KSR2: variants seen among roughly 807,000 people sequenced by gnomAD.
The protein encoded by KSR2 is kinase suppressor of ras 2.
In KSR2, 25 loss-of-function variants were observed where a neutral mutation model predicts 107.8. The ratio of observed to expected loss-of-function variants is 0.23; its 90% CI spans 0.17 to 0.32. KSR2 has a LOEUF of 0.32. Ranked by LOEUF, KSR2 falls within the 10% of genes least tolerant of loss-of-function variation. The probability of loss-of-function intolerance (pLI) is 1.00; values close to 1 mark genes in which losing one functional copy is unlikely to be tolerated. For missense variants in KSR2, 887 were observed against 1,268.9 expected (o/e 0.70, Z 4.57); for synonymous variants, 480 against 507.0 (o/e 0.95, Z 0.71).
At chr12:117,703,779 G>A (rs918639692) in intron 4 of KSR2, among the ~76,000 whole-genome samples, 1 of 152,050 alleles carries the variant, frequency 6.6e-6, no homozygotes, top group Non-Finnish European at 1.5e-5. Context: ...GCTCTGCCGG[G>A]GCATACGTCC....
intron 4 of KSR2, among the ~76,000 whole-genome samples, chr12:117,711,801 T>C (rs1886793893): frequency 6.6e-6 from 1 of 152,188 alleles, no homozygotes; most frequent in Non-Finnish European, 1.5e-5. Context: ...TCTGCTATAA[T>C]ATACAAAGCA....
chr12:117,593,910 T>C (rs1234545972), intron 5 of KSR2, among the ~76,000 whole-genome samples: 1 of 152,260 alleles, frequency 6.6e-6, no homozygotes, highest in East Asian at 1.9e-4. Flanking sequence ...AGGACAGAAC[T>C]GTCTAGGTCC....
At chr12:117,783,621 A>T (rs983082945) in intron 3 of KSR2, among the ~76,000 whole-genome samples, 8 of 152,254 alleles carry the variant, frequency 5.3e-5, no homozygotes, top group African/African-American at 1.9e-4. Context: ...AGTCAATGAC[A>T]GCAGGTGGGT....
At chr12:117,591,615 G>A (rs995016105) in intron 5 of KSR2, among the ~76,000 whole-genome samples, 1 of 151,946 alleles carries the variant, frequency 6.6e-6, no homozygotes, top group African/African-American at 2.4e-5. Flanking sequence ...GGCGGCTAGA[G>A]GTAGGACATT....
intron 5 of KSR2, among the ~76,000 whole-genome samples, chr12:117,651,089 G>A (rs1000197077): frequency 6.6e-6 from 1 of 152,210 alleles, no homozygotes; most frequent in Non-Finnish European, 1.5e-5. Flanking sequence ...GGGACATTGA[G>A]TTTGTAAACT....
In KSR2 at chr12:117,764,240, G is replaced by A. The variant is rs538810161; in HGVS notation, c.473-2716C>T. On this transcript the variant is annotated intron_variant, in intron 3 of 19. Transcript: ENST00000339824. ...TCGAGCCTTCCAGATGGTTTGGGGC[G>A]GATTTTTTTTTTTTAAGGAAAAAAA... 2.7e-5 allele frequency among the ~76,000 whole-genome samples: 4 copies of A among 150,884 alleles called. No homozygotes were observed. In the East Asian group the frequency reaches 7.8e-4, roughly 29 times the overall value.
Position 117,481,309 on chromosome 12 carries a change from C to T in KSR2, c.2450+3107G>A, listed in dbSNP as rs576086614. On this transcript the variant is annotated intron_variant, in intron 16 of 19. Transcript: ENST00000339824. Reference sequence around the variant, plus strand: ...TTTAGTATGTTGAACCCCTAACCCCCAATTTGATTGTATTTAGTGATAAAG... The same window carrying T: ...TTTAGTATGTTGAACCCCTAACCCCTAATTTGATTGTATTTAGTGATAAAG... Among the ~76,000 whole-genome samples, 6 of 152,198 alleles carry T rather than the reference C, an allele frequency of 3.9e-5. No individual in the cohort carries two copies. In the East Asian group the frequency reaches 1.2e-3, roughly 29 times the overall value.
chr12:117,502,452 T>G (rs1873436608), intron 14 of KSR2, among the ~76,000 whole-genome samples: 1 of 152,152 alleles, frequency 6.6e-6, no homozygotes, highest in Admixed American at 6.5e-5. Flanking sequence ...AAATCAATTA[T>G]TTGTCTAAAA....
chr12:117,609,137 T>G (rs1042848485), intron 5 of KSR2, among the ~76,000 whole-genome samples: 1 of 152,190 alleles, frequency 6.6e-6, no homozygotes, highest in African/African-American at 2.4e-5. Context: ...CTATAGATTT[T>G]ATACCCTGGC....
intron 1 of KSR2, among the ~76,000 whole-genome samples, chr12:117,866,596 G>A (rs551396701): frequency 3.3e-5 from 5 of 152,086 alleles, no homozygotes; most frequent in Admixed American, 1.3e-4. Flanking sequence ...CTGGGAGGCC[G>A]AGGCTGGTGG....
rs1162927126 is a variant in KSR2 at position 117,465,377 on chromosome 12, C to T, written c.*1822G>A. ...AGTGTCTGCTTAGGAGCAGCCCAAG[C>T]CGGGGTCTTTAGTCCTCTAGTCCCA... is the stretch of plus-strand genomic sequence containing the variant. On this transcript the variant is annotated 3_prime_UTR_variant, in exon 20 of 20. Coordinates refer to ENST00000339824, the MANE Select transcript of KSR2 (RefSeq NM_173598.6). The T allele has an allele frequency of 1.3e-5, 2 of 152,240 alleles. No homozygotes were observed. Among genetic ancestry groups the T allele is most frequent in the African/African-American group, 4.8e-5 (2 of 41,442 alleles). 9.4% of individuals were successfully genotyped at this position (152,240 alleles called of 1,614,324 possible). A position where few individuals can be genotyped will look rare whatever the true frequency, so the allele number is the denominator to read the frequency against.
chr12:117,746,527 G>T (rs1009743489), intron 4 of KSR2, among the ~76,000 whole-genome samples: 1 of 152,104 alleles, frequency 6.6e-6, no homozygotes, highest in African/African-American at 2.4e-5. Context: ...CAAGGGCAAG[G>T]ACTTCATGAC....
At chr12:117,621,526 T>C (rs1331396026) in intron 5 of KSR2, among the ~76,000 whole-genome samples, 2 of 152,124 alleles carry the variant, frequency 1.3e-5, no homozygotes, top group African/African-American at 4.8e-5. Context: ...ATGTGCTTCA[T>C]AGGGTTGTTA....
Position 117,525,225 on chromosome 12 carries a change from G to A in KSR2, c.1852-6C>T. 2 of 1,582,340 alleles carry A rather than the reference G, an allele frequency of 1.3e-6. No individual in the cohort carries two copies. Among genetic ancestry groups the A allele is most frequent in the Non-Finnish European group, 1.7e-6 (2 of 1,160,744 alleles). ...TCATCATGGACCTCTTCATTCTGTG[G>A]CCGGAGTGGGAGAGAGGTCAGAATT... On this transcript the variant is annotated splice_region_variant and splice_polypyrimidine_tract_variant and intron_variant, in intron 13 of 19. Transcript: ENST00000339824.
chr12:117,820,821 A>T (rs916932712), intron 3 of KSR2, among the ~76,000 whole-genome samples: 14 of 152,166 alleles, frequency 9.2e-5, no homozygotes, highest in Non-Finnish European at 1.6e-4. Flanking sequence ...CCAGTATTAG[A>T]AGCCTACATG....
intron 5 of KSR2, among the ~76,000 whole-genome samples, chr12:117,655,547 G>C (rs1358287616): frequency 6.6e-6 from 1 of 152,128 alleles, no homozygotes; most frequent in South Asian, 2.1e-4. Context: ...TCAAGGGGCG[G>C]AAGTGGCACC....
chr12:117,529,163 A>AGCAAGCCCCAGGCTTCCATC (rs1875432820), intron 12 of KSR2, among the ~76,000 whole-genome samples: 2 of 152,200 alleles, frequency 1.3e-5, no homozygotes. Flanking sequence ...GTCAAATCCT[A>AGCAAGCCCCAGGCTTCCATC]GCAAGCCCCA....
At chr12:117,493,122 G>C (rs1444282994) in intron 14 of KSR2, among the ~76,000 whole-genome samples, 2 of 152,146 alleles carry the variant, frequency 1.3e-5, no homozygotes, top group Non-Finnish European at 2.9e-5. Flanking sequence ...GCTTCATCCA[G>C]TGTCCAGCTA....
At position 117,895,477 on chromosome 12, in the gene KSR2, G is replaced by A. The variant is rs552846471; in HGVS notation, c.181-35046C>T. 5.3e-5 allele frequency among the ~76,000 whole-genome samples: 8 copies of A among 152,298 alleles called. No individual in the cohort carries two copies. The South Asian group carries it at 6.2e-4, about 12-fold the overall frequency. ...AAACCAATTCTCAGAATGGAGAGAT[G>A]TGGGGGCAGTGTTGGAATCTGGCAT... On this transcript the variant is annotated intron_variant, in intron 1 of 19. Coordinates refer to ENST00000339824, the MANE Select transcript of KSR2 (RefSeq NM_173598.6).
Sources: gnomAD v4.1 joint callset for allele counts (sites outside exome capture counted in the v4.1 genomes callset) on GRCh38, gnomAD v4.1.1 for gene constraint, MANE v1.5 for transcripts, NCBI Gene and HGNC (gene_info 2026-07-23, HGNC 2026-07-21) for gene names.